The following MYCBP variants were observed in gnomAD, a reference collection of about 807,000 sequenced individuals.
The protein encoded by MYCBP is C-Myc-binding protein.
In MYCBP, 5 loss-of-function variants were observed where a neutral mutation model predicts 16.8. The observed-to-expected ratio is 0.30, with a 90% CI of 0.16 to 0.63. The LOEUF (loss-of-function observed/expected upper bound fraction) is 0.63, where lower values mean the gene tolerates loss of function less well. Among genes scored for constraint, MYCBP ranks in the 20% least tolerant of loss-of-function variants. MYCBP has a pLI of 0.83. For missense variants in MYCBP, 103 were observed against 121.8 expected (o/e 0.85, Z 0.73); for synonymous variants, 35 against 43.7 (o/e 0.80, Z 0.79).
intron 4 of MYCBP, among the ~76,000 whole-genome samples, chr1:38,864,964 A>G (rs1205121630): frequency 6.6e-6 from 1 of 152,214 alleles, no homozygotes; most frequent in East Asian, 1.9e-4. Context: ...TCATGACTGC[A>G]CTGTTCAAAT....
At chr1:38,872,752 G>C in intron 2 of MYCBP, 1 of 506,996 alleles carries the variant, frequency 2.0e-6, no homozygotes. Flanking sequence ...GCGGCTGCTG[G>C]AGGCAAAGCA....
chr1:38,869,816 G>A (rs1233682715), intron 2 of MYCBP, among the ~76,000 whole-genome samples: 1 of 151,422 alleles, frequency 6.6e-6, no homozygotes, highest in Non-Finnish European at 1.5e-5. Flanking sequence ...CAAGACAGGA[G>A]GATTGCTTGA....
chr1:38,862,622 A>C lies in MYCBP; in HGVS notation c.*2048T>G, dbSNP rs1283054295. On this transcript the variant is annotated 3_prime_UTR_variant, in exon 5 of 5. Transcript: ENST00000397572. Reference sequence around the variant, plus strand: ...CTTAACTGGTGGGATCCATTTATCCATTTTCTCTTCCATGGAGCATCTTGT... The same window carrying C: ...CTTAACTGGTGGGATCCATTTATCCCTTTTCTCTTCCATGGAGCATCTTGT... Among the ~76,000 whole-genome samples, 1 of 152,178 alleles carries C rather than the reference A, an allele frequency of 6.6e-6. No individual in the cohort carries two copies. Among genetic ancestry groups the C allele is most frequent in the African/African-American group, 2.4e-5 (1 of 41,452 alleles).
intron 2 of MYCBP, among the ~76,000 whole-genome samples, chr1:38,868,816 G>A (rs558330018): frequency 1.3e-5 from 2 of 152,228 alleles, no homozygotes; most frequent in East Asian, 3.9e-4. Flanking sequence ...TGAGGCAGGA[G>A]AATGGCGTCA....
At chr1:38,873,261 A>G (rs761969492) in intron 1 of MYCBP, 30 bp downstream of exon 1, 27 of 1,598,742 alleles carry the variant, frequency 1.7e-5, no homozygotes, top group Non-Finnish European at 2.3e-5. Flanking sequence ...TACCGCCCGC[A>G]TGCCCCCAGC....
At position 38,867,055 on chromosome 1, in the gene MYCBP, A is replaced by C. The variant is rs1170818998; in HGVS notation, c.138-46T>G. On this transcript the variant is annotated intron_variant, in intron 3 of 4. Coordinates refer to ENST00000397572, the MANE Select transcript of MYCBP (RefSeq NM_012333.5). ...TTACTTCTTAGACATGAATGAAACT[A>C]ATGAAATAGCACAGAGTAGTATCAA... 3 of 1,541,966 alleles carry C rather than the reference A, an allele frequency of 1.9e-6. No individual in the cohort carries two copies. The African/African-American group carries it at 4.1e-5, about 21-fold the overall frequency.
At chr1:38,869,201 G>A (rs529144043) in intron 2 of MYCBP, among the ~76,000 whole-genome samples, 16 of 151,028 alleles carry the variant, frequency 1.1e-4, no homozygotes, top group African/African-American at 3.9e-4. Flanking sequence ...CGATTCTCCT[G>A]CCTCAGCCTC....
intron 2 of MYCBP, among the ~76,000 whole-genome samples, chr1:38,868,994 CT>C (rs1453774472): frequency 2.0e-5 from 3 of 152,046 alleles, no homozygotes; most frequent in African/African-American, 4.8e-5. Context: ...AACTTACATA[CT>C]TCCCTTTTGT....
rs143034953 is a variant in MYCBP at position 38,865,440 on chromosome 1, T to C, written c.268-726A>G. ...AAAATACATTATGTGATTAAGAATG[T>C]GGTAAGACCTGAAAGACTTAAGAGT... On this transcript the variant is annotated intron_variant, in intron 4 of 4. Transcript: ENST00000397572. Among the ~76,000 whole-genome samples, 583 of 152,316 alleles carry C rather than the reference T, an allele frequency of 3.8e-3. 2 individuals are homozygous for C. The highest frequency in any genetic ancestry group is 0.014 in the African/African-American group (563 of 41,564).
intron 4 of MYCBP, among the ~76,000 whole-genome samples, chr1:38,865,676 C>T (rs1407429974): frequency 6.6e-6 from 1 of 152,066 alleles, no homozygotes; most frequent in East Asian, 1.9e-4. Flanking sequence ...GTGGCAAATG[C>T]CTGCAGTCCC....
intron 4 of MYCBP, 84 bp from the exon 5 acceptor site, chr1:38,864,798 A>C: frequency 3.2e-6 from 4 of 1,263,032 alleles, no homozygotes; most frequent in Non-Finnish European, 3.5e-6. Context: ...TGTTATATTC[A>C]ACTTAGTTAC....
intron 4 of MYCBP, among the ~76,000 whole-genome samples, chr1:38,866,470 A>G (rs6692254): frequency 0.93 from 141,082 of 151,438 alleles, 65,958 homozygotes; most frequent in Non-Finnish European, 0.97. Context: ...AGGCTGGAGC[A>G]CAGTGGCACG....
At chr1:38,866,813 T>C (rs953274200) in intron 4 of MYCBP, 67 bp downstream of exon 4, 21 of 1,255,998 alleles carry the variant, frequency 1.7e-5, no homozygotes, top group Non-Finnish European at 2.3e-5. Flanking sequence ...TCCATTTCAG[T>C]GAGGTTTTCA....
chr1:38,869,358 G>T (rs1397274510), intron 2 of MYCBP, among the ~76,000 whole-genome samples: 1 of 152,020 alleles, frequency 6.6e-6, no homozygotes, highest in Non-Finnish European at 1.5e-5. Context: ...AAAGTTCTGG[G>T]ATTACAGGTG....
chr1:38,871,118 G>A (rs1008344737), intron 2 of MYCBP, among the ~76,000 whole-genome samples: 16 of 152,076 alleles, frequency 1.1e-4, no homozygotes, highest in Non-Finnish European at 1.8e-4. Context: ...GCACATGCCT[G>A]TAATCCCAGC....
At chr1:38,868,710 C>T (rs192243074) in intron 2 of MYCBP, among the ~76,000 whole-genome samples, 2 of 152,270 alleles carry the variant, frequency 1.3e-5, no homozygotes, top group African/African-American at 2.4e-5. Flanking sequence ...TCAAGACCAT[C>T]CTGGCTAACA....
chr1:38,872,673 T>C (rs1041496983), intron 2 of MYCBP: 3 of 297,214 alleles, frequency 1.0e-5, no homozygotes, highest in African/African-American at 6.6e-5. Flanking sequence ...AACAAGATTC[T>C]GAGGACTCCA....
At chr1:38,873,260 C>T in intron 1 of MYCBP, 31 bp downstream of exon 1, 2 of 1,598,914 alleles carry the variant, frequency 1.3e-6, no homozygotes, top group East Asian at 4.5e-5. Context: ...CTACCGCCCG[C>T]ATGCCCCCAG....
chr1:38,867,728 A>C, intron 2 of MYCBP, 118 bp from the exon 3 acceptor site: 1 of 830,424 alleles, frequency 1.2e-6, no homozygotes, highest in Non-Finnish European at 2.0e-6. Context: ...CATTGCAAAG[A>C]CTATACAATG....
Sources: gnomAD v4.1 joint callset for allele counts (sites outside exome capture counted in the v4.1 genomes callset) on GRCh38, gnomAD v4.1.1 for gene constraint, MANE v1.5 for transcripts, NCBI Gene and HGNC (gene_info 2026-07-23, HGNC 2026-07-21) for gene names.